DLG2: variants seen among roughly 807,000 people sequenced by gnomAD.
DLG2 encodes the protein discs large MAGUK scaffold protein 2.
Under a neutral mutation model 132.5 loss-of-function variants are expected in DLG2, and 45 were observed. The ratio of observed to expected loss-of-function variants is 0.34; its 90% confidence interval spans 0.27 to 0.44. The LOEUF (loss-of-function observed/expected upper bound fraction) is 0.44, where lower values mean the gene tolerates loss of function less well. Ranked by LOEUF, DLG2 falls within the 20% of genes least tolerant of loss-of-function variation. DLG2 has a pLI of 1.00. For synonymous variants in DLG2, 424 were observed against 419.6 expected (o/e 1.01, Z -0.13); for missense variants, 1,045 against 1,196.9 (o/e 0.87, Z 1.87).
intron 14 of DLG2, among the ~76,000 whole-genome samples, chr11:83,958,308 G>A (rs181617678): frequency 6.6e-6 from 1 of 152,272 alleles, no homozygotes; most frequent in Non-Finnish European, 1.5e-5. Flanking sequence ...TCAAACTGGT[G>A]AATATTAGAG....
chr11:84,376,613 G>A (rs2098730039), intron 7 of DLG2, among the ~76,000 whole-genome samples: 1 of 151,556 alleles, frequency 6.6e-6, no homozygotes, highest in Non-Finnish European at 1.5e-5. Context: ...ATAGTGATGT[G>A]GTTAGTATTC....
intron 7 of DLG2, among the ~76,000 whole-genome samples, chr11:84,371,506 C>T (rs2098706425): frequency 6.6e-6 from 1 of 152,072 alleles, no homozygotes; most frequent in Non-Finnish European, 1.5e-5. Flanking sequence ...CTTCAGCCTC[C>T]CAAACTGCTG....
rs914809718 is a variant in DLG2 at position 85,153,701 on chromosome 11, A to G, written c.282+855T>C. Among the ~76,000 whole-genome samples the G allele has an allele frequency of 1.1e-4, 17 of 150,022 alleles. 1 individual carries two copies. Among genetic ancestry groups the G allele is most frequent in the African/African-American group, 4.2e-4 (17 of 40,024 alleles). On this transcript the variant is annotated intron_variant, in intron 5 of 27. Coordinates refer to ENST00000376104, the MANE Select transcript of DLG2 (RefSeq NM_001142699.3). ...CATTAAAGGTCTAAAGTTTTCATTA[A>G]TATCTTTTTATTTTCCAAATGTTAA...
At chr11:83,818,362 T>C (rs2049703954) in intron 17 of DLG2, among the ~76,000 whole-genome samples, 1 of 152,210 alleles carries the variant, frequency 6.6e-6, no homozygotes, top group Admixed American at 6.5e-5. Flanking sequence ...TGGGAAGGTC[T>C]TTCCATTACC....
chr11:84,880,841 CT>C (rs2087201274), intron 6 of DLG2, among the ~76,000 whole-genome samples: 1 of 152,064 alleles, frequency 6.6e-6, no homozygotes, highest in Non-Finnish European at 1.5e-5. Context: ...AATTTACTAT[CT>C]TTTGACTTGT....
intron 10 of DLG2, among the ~76,000 whole-genome samples, chr11:84,065,884 C>T (rs2091411007): frequency 6.6e-6 from 1 of 152,090 alleles, no homozygotes; most frequent in Admixed American, 6.5e-5. Context: ...TACTATGCAG[C>T]CATAAAAGTA....
chr11:83,727,817 T>G (rs934457969), intron 18 of DLG2, among the ~76,000 whole-genome samples: 1 of 152,222 alleles, frequency 6.6e-6, no homozygotes, highest in Non-Finnish European at 1.5e-5. Flanking sequence ...CTTGGCTTTT[T>G]CATCTATCAA....
At position 83,762,861 on chromosome 11, in the gene DLG2, G is replaced by A. The variant is rs139585526; in HGVS notation, c.1825+23829C>T. Among the ~76,000 whole-genome samples, 218 of 152,320 alleles carry A rather than the reference G, an allele frequency of 1.4e-3. 1 individual carries two copies. Among genetic ancestry groups the A allele is most frequent in the African/African-American group, 4.9e-3 (204 of 41,578 alleles). On this transcript the variant is annotated intron_variant, in intron 18 of 27. Transcript: ENST00000376104. ...CCTCCAAAGTGCTGGGATTACAGGCGTGAGCCAATGTGCCTGGCCAAGTAT... is the reference window on the plus strand; with the variant it reads ...CCTCCAAAGTGCTGGGATTACAGGCATGAGCCAATGTGCCTGGCCAAGTAT...
chr11:84,537,587 G>T (rs1476174493), intron 6 of DLG2, among the ~76,000 whole-genome samples: 1 of 152,052 alleles, frequency 6.6e-6, no homozygotes, highest in Non-Finnish European at 1.5e-5. Context: ...ACTTTGTTGT[G>T]CAACAGATCT....
intron 11 of DLG2, among the ~76,000 whole-genome samples, chr11:84,023,751 G>T (rs2095465113): frequency 6.6e-6 from 1 of 152,002 alleles, no homozygotes; most frequent in South Asian, 2.1e-4. Flanking sequence ...AAAATATAGG[G>T]ATATACTCTT....
intron 19 of DLG2, among the ~76,000 whole-genome samples, chr11:83,587,457 G>C (rs1348631375): frequency 6.6e-6 from 1 of 152,066 alleles, no homozygotes; most frequent in African/African-American, 2.4e-5. Context: ...TTTTAACAGA[G>C]ATAAGATATT....
intron 18 of DLG2, among the ~76,000 whole-genome samples, chr11:83,674,509 T>C (rs1221132232): frequency 2.0e-5 from 3 of 152,228 alleles, no homozygotes; most frequent in African/African-American, 7.2e-5. Context: ...GTAATAATGG[T>C]ACCTTTTAAT....
At chr11:83,648,499 C>G (rs1271564178) in intron 18 of DLG2, among the ~76,000 whole-genome samples, 1 of 152,084 alleles carries the variant, frequency 6.6e-6, no homozygotes, top group Non-Finnish European at 1.5e-5. Context: ...AGTGTCCTTC[C>G]ATGAGAAAAT....
Position 84,635,342 on chromosome 11 carries a change from C to G in DLG2, c.358-100611G>C, listed in dbSNP as rs534653282. 2.2e-4 allele frequency among the ~76,000 whole-genome samples: 33 copies of G among 152,234 alleles called. 1 individual carries two copies. The highest frequency in any genetic ancestry group is 6.3e-4 in the African/African-American group (26 of 41,542). On this transcript the variant is annotated intron_variant, in intron 6 of 27. Coordinates refer to ENST00000376104, the MANE Select transcript of DLG2 (RefSeq NM_001142699.3). ...GCCAATACTGATGCCCATTACCACT[C>G]TTGGCTTTTAACCTAAAAGCCCAAT... is the stretch of plus-strand genomic sequence containing the variant.
chr11:84,624,896 C>T (rs1258872868), intron 6 of DLG2, among the ~76,000 whole-genome samples: 1 of 76,638 alleles, frequency 1.3e-5, no homozygotes, highest in African/African-American at 9.2e-5. Context: ...CTCGCTCTGT[C>T]GCCCAGGCTG....
intron 18 of DLG2, chr11:83,724,924 T>G: frequency 2.8e-6 from 2 of 702,458 alleles, no homozygotes; most frequent in Non-Finnish European, 5.2e-6. Flanking sequence ...TTCAGCTCTG[T>G]TCCCTCCTCC....
intron 6 of DLG2, among the ~76,000 whole-genome samples, chr11:84,916,391 A>G (rs1427600375): frequency 6.7e-6 from 1 of 148,204 alleles, no homozygotes; most frequent in Non-Finnish European, 1.5e-5. Flanking sequence ...AAGCAGTAAA[A>G]TGGCATGGTA....
chr11:85,586,964 T>C (rs1320262726), intron 3 of DLG2, among the ~76,000 whole-genome samples: 4 of 152,178 alleles, frequency 2.6e-5, no homozygotes, highest in Admixed American at 1.3e-4. Flanking sequence ...CTAAAGATCA[T>C]TCAGGGGCAG....
At chr11:84,106,436 G>T (rs1037526455) in intron 9 of DLG2, among the ~76,000 whole-genome samples, 41 of 152,116 alleles carry the variant, frequency 2.7e-4, no homozygotes, top group African/African-American at 9.9e-4. Context: ...TTGCTAAATA[G>T]AGATTTTTTT....
Sources: gnomAD v4.1 joint callset for allele counts (sites outside exome capture counted in the v4.1 genomes callset) on GRCh38, gnomAD v4.1.1 for gene constraint, MANE v1.5 for transcripts, NCBI Gene and HGNC (gene_info 2026-07-23, HGNC 2026-07-21) for gene names.